RBMS3: variants seen among roughly 807,000 people sequenced by gnomAD.
RBMS3 encodes RNA-binding motif, single-stranded-interacting protein 3.
A neutral mutation model predicts 66.8 loss-of-function variants in RBMS3; 27 were observed. The observed-to-expected ratio is 0.40, with a 90% CI of 0.30 to 0.56. RBMS3 has a LOEUF of 0.56. RBMS3 is among the 20% of genes least tolerant of loss of function. The probability of loss-of-function intolerance (pLI) is 0.40; values close to 1 mark genes in which losing one functional copy is unlikely to be tolerated. For synonymous variants in RBMS3, 188 were observed against 183.0 expected (o/e 1.03, Z -0.22); for missense variants, 513 against 549.5 (o/e 0.93, Z 0.66).
At chr3:29,322,875 G>A (rs2035090440) in intron 1 of RBMS3, among the ~76,000 whole-genome samples, 1 of 152,060 alleles carries the variant, frequency 6.6e-6, no homozygotes, top group African/African-American at 2.4e-5. Flanking sequence ...GAATTCGAAG[G>A]GCTGCTTAGA....
At chr3:29,500,504 G>T (rs1028139124) in intron 3 of RBMS3, among the ~76,000 whole-genome samples, 1 of 150,606 alleles carries the variant, frequency 6.6e-6, no homozygotes, top group Non-Finnish European at 1.5e-5. Context: ...TGATGTTTTG[G>T]TCATCGACAA....
At chr3:29,395,607 G>T (rs1239562922) in intron 1 of RBMS3, among the ~76,000 whole-genome samples, 2 of 152,228 alleles carry the variant, frequency 1.3e-5, no homozygotes, top group East Asian at 3.9e-4. Context: ...TTTATAAAAT[G>T]TTCCACTTTC....
At chr3:29,954,320 T>C (rs529136487) in intron 12 of RBMS3, among the ~76,000 whole-genome samples, 1 of 152,022 alleles carries the variant, frequency 6.6e-6, no homozygotes, top group East Asian at 1.9e-4. Flanking sequence ...CTATCCACTC[T>C]TACCTGGCCC....
intron 12 of RBMS3, among the ~76,000 whole-genome samples, chr3:29,973,311 G>T (rs971023910): frequency 6.6e-6 from 1 of 151,948 alleles, no homozygotes; most frequent in Non-Finnish European, 1.5e-5. Context: ...GTAACAATAC[G>T]AAAGATCCAA....
intron 7 of RBMS3, among the ~76,000 whole-genome samples, chr3:29,881,825 G>A (rs766177663): frequency 1.3e-5 from 2 of 152,168 alleles, no homozygotes; most frequent in Non-Finnish European, 1.5e-5. Flanking sequence ...AAGACAGTTT[G>A]TAATTCAGGA....
chr3:30,005,978 T>G lies in RBMS3; in HGVS notation c.*2116T>G, dbSNP rs1305046088. 6.6e-6 allele frequency: 1 copy of G among 151,916 alleles called. No homozygotes were observed. Among genetic ancestry groups the G allele is most frequent in the Non-Finnish European group, 1.5e-5 (1 of 67,860 alleles). 9.4% of individuals were successfully genotyped at this position (151,916 alleles called of 1,614,324 possible). On this transcript the variant is annotated 3_prime_UTR_variant, in exon 15 of 15. Coordinates refer to ENST00000383767, the MANE Select transcript of RBMS3 (RefSeq NM_001003793.3). ...AATTGACCCACCTGTAAAATATATC[T>G]ACATTTTTAATTCATGAGATGATAT...
In RBMS3 at chr3:29,281,638, C is replaced by G; in HGVS notation, c.-44C>G. On this transcript the variant is annotated 5_prime_UTR_variant, in exon 1 of 15. Coordinates refer to ENST00000383767, the MANE Select transcript of RBMS3 (RefSeq NM_001003793.3). ...GGAAGCTCGGCCTGGGGCACTATACCCTGTCATCCAGTTCCCTGCCTCGGA... is the reference window on the plus strand; with the variant it reads ...GGAAGCTCGGCCTGGGGCACTATACGCTGTCATCCAGTTCCCTGCCTCGGA... 1 of 1,539,404 alleles carries G rather than the reference C, an allele frequency of 6.5e-7. No homozygotes were observed. The highest frequency in any genetic ancestry group is 9.0e-7 in the Non-Finnish European group (1 of 1,112,678).
At chr3:29,998,428 A>G (rs1218588265) in intron 14 of RBMS3, among the ~76,000 whole-genome samples, 3 of 152,190 alleles carry the variant, frequency 2.0e-5, no homozygotes, top group Admixed American at 6.5e-5. Flanking sequence ...TAAAGTTCAT[A>G]TGGAACCAAA....
chr3:29,806,886 C>T (rs1023869194), intron 6 of RBMS3, among the ~76,000 whole-genome samples: 1 of 151,764 alleles, frequency 6.6e-6, no homozygotes, highest in Non-Finnish European at 1.5e-5. Context: ...TTTGCAGTTG[C>T]TTTTTCAAAA....
chr3:29,480,012 C>T (rs998170210), intron 2 of RBMS3, among the ~76,000 whole-genome samples: 11 of 152,144 alleles, frequency 7.2e-5, no homozygotes, highest in South Asian at 2.1e-4. Flanking sequence ...AAGAAAAAGG[C>T]GAAGATGGTG....
intron 12 of RBMS3, among the ~76,000 whole-genome samples, chr3:29,961,318 C>G (rs1696428418): frequency 6.6e-6 from 1 of 152,288 alleles, no homozygotes; most frequent in South Asian, 2.1e-4. Context: ...ATATCACTAT[C>G]AGCATTTTGG....
At chr3:29,892,832 T>G (rs1326564083) in intron 8 of RBMS3, among the ~76,000 whole-genome samples, 1 of 140,908 alleles carries the variant, frequency 7.1e-6, no homozygotes, top group East Asian at 2.0e-4. Context: ...TGTATGTATG[T>G]ATGTATGTAT....
At chr3:29,403,304 T>C (rs1002505325) in intron 1 of RBMS3, among the ~76,000 whole-genome samples, 1 of 152,090 alleles carries the variant, frequency 6.6e-6, no homozygotes, top group African/African-American at 2.4e-5. Context: ...GTAATATAGA[T>C]GGACGTATTT....
intron 1 of RBMS3, among the ~76,000 whole-genome samples, chr3:29,340,867 T>A (rs1185846675): frequency 1.3e-5 from 2 of 152,140 alleles, no homozygotes; most frequent in Non-Finnish European, 2.9e-5. Context: ...ATTATATATA[T>A]CATTTTTAAA....
intron 1 of RBMS3, among the ~76,000 whole-genome samples, chr3:29,288,259 C>G (rs903515046): frequency 6.6e-6 from 1 of 151,996 alleles, no homozygotes; most frequent in Admixed American, 6.6e-5. Context: ...TTGTGTCATT[C>G]ATGAGTTTTT....
intron 3 of RBMS3, among the ~76,000 whole-genome samples, chr3:29,508,569 A>G (rs1025422752): frequency 6.6e-6 from 1 of 152,090 alleles, no homozygotes; most frequent in Admixed American, 6.5e-5. Flanking sequence ...CATGGTGTAT[A>G]TATGCCAAAT....
chr3:29,376,640 G>T lies in RBMS3; in HGVS notation c.76-58103G>T, dbSNP rs543921426. On this transcript the variant is annotated intron_variant, in intron 1 of 14. Coordinates refer to ENST00000383767, the MANE Select transcript of RBMS3 (RefSeq NM_001003793.3). ...TACAAAAAAACGACCAGGCGCAGTG[G>T]CTCATGCCTGTAATCCCAGCACTTT... 2.6e-5 allele frequency among the ~76,000 whole-genome samples: 4 copies of T among 152,346 alleles called. No homozygotes were observed. In the South Asian group the frequency reaches 8.3e-4, roughly 32 times the overall value.
chr3:29,761,859 C>T (rs1364302826), intron 5 of RBMS3, among the ~76,000 whole-genome samples: 4 of 152,132 alleles, frequency 2.6e-5, no homozygotes, highest in African/African-American at 9.7e-5. Flanking sequence ...TCACACATTT[C>T]ATACACATTC....
chr3:29,991,914 G>A (rs1383427282), intron 14 of RBMS3, among the ~76,000 whole-genome samples: 1 of 152,020 alleles, frequency 6.6e-6, no homozygotes, highest in African/African-American at 2.4e-5. Context: ...GGAATAAAAT[G>A]GCAAGGATTT....
Sources: allele counts gnomAD v4.1 joint callset (sites outside exome capture counted in the v4.1 genomes callset), GRCh38; gene constraint gnomAD v4.1.1; transcripts MANE v1.5; gene names NCBI Gene and HGNC (gene_info 2026-07-23, HGNC 2026-07-21).